PLXNA4: variants seen among roughly 807,000 people sequenced by gnomAD.
PLXNA4 encodes plexin-A4.
PLXNA4 carries 44 observed loss-of-function variants against 191.8 expected under a neutral mutation model. That is an observed-to-expected ratio of 0.23 (90% CI 0.18 to 0.29). PLXNA4 has a LOEUF of 0.29. Ranked by LOEUF, PLXNA4 falls within the 10% of genes least tolerant of loss-of-function variation. The pLI, the probability that PLXNA4 is intolerant of heterozygous loss-of-function variation, is 1.00. For missense variants in PLXNA4, 1,800 were observed against 2,488.8 expected, an observed-to-expected ratio of 0.72 and a Z score of 5.89; for synonymous variants, 1,082 against 1,009.5, an observed-to-expected ratio of 1.07 and a Z score of -1.36.
chr7:132,325,938 T>TA (rs1181693875), intron 3 of PLXNA4, among the ~76,000 whole-genome samples: 6 of 152,184 alleles, frequency 3.9e-5, no homozygotes, highest in Non-Finnish European at 8.8e-5. Flanking sequence ...TCCTACCCAC[T>TA]GTCCAGACCT....
chr7:132,607,511 G>A (rs757573724), intron 2 of PLXNA4, among the ~76,000 whole-genome samples: 5 of 152,326 alleles, frequency 3.3e-5, no homozygotes, highest in South Asian at 2.1e-4. Flanking sequence ...GTTCTGAAAC[G>A]TAATAACAAG....
At chr7:132,268,485 G>A (rs1488686280) in intron 4 of PLXNA4, among the ~76,000 whole-genome samples, 1 of 152,084 alleles carries the variant, frequency 6.6e-6, no homozygotes, top group African/African-American at 2.4e-5. Flanking sequence ...ATTTTGTTTG[G>A]ATCACTGGTC....
In PLXNA4 at chr7:132,489,147, G is replaced by C. The variant is rs554400022; in HGVS notation, c.1371+145C>G. 9.2e-5 allele frequency: 74 copies of C among 803,088 alleles called. No homozygotes were observed. In the African/African-American group the frequency reaches 1.1e-3, roughly 12 times the overall value. The allele number at this position is 803,088 out of a possible 1,614,324, so 49.7% of individuals were successfully genotyped here. On this transcript the variant is annotated intron_variant, in intron 3 of 31. Coordinates refer to ENST00000321063, the MANE Select transcript of PLXNA4 (RefSeq NM_020911.2). ...AGAGAAAGGACAAGATGATCATCAT[G>C]ACCTCAACAGCAGCGTATCTCCTTA...
chr7:132,228,338 A>C lies in PLXNA4; in HGVS notation c.1728+8T>G. ...CCTGGACCCCACCCCAACCCCCACG[A>C]CCCTTACCAGCACGTTGTACTGAGA... On this transcript the variant is annotated splice_region_variant and intron_variant, in intron 6 of 31. Transcript: ENST00000321063. 1 of 1,613,694 alleles carries C rather than the reference A, an allele frequency of 6.2e-7. No individual in the cohort carries two copies. The highest frequency in any genetic ancestry group is 1.3e-5 in the African/African-American group (1 of 74,878).
intron 2 of PLXNA4, among the ~76,000 whole-genome samples, chr7:132,500,173 C>A (rs1192744396): frequency 6.6e-6 from 1 of 152,148 alleles, no homozygotes; most frequent in African/African-American, 2.4e-5. Flanking sequence ...TCATTCATAA[C>A]CTGTGCTATA....
At chr7:132,615,962 T>TCTCTCTCTCTCTCTCC (rs1803147661) in intron 2 of PLXNA4, among the ~76,000 whole-genome samples, 1 of 149,774 alleles carries the variant, frequency 6.7e-6, no homozygotes, top group Non-Finnish European at 1.5e-5. Flanking sequence ...TCTCTCTCTC[T>TCTCTCTCTCTCTCTCC]CTATTCCCCA....
chr7:132,462,396 G>A (rs1028226104), intron 3 of PLXNA4, among the ~76,000 whole-genome samples: 26 of 152,076 alleles, frequency 1.7e-4, no homozygotes, highest in African/African-American at 6.3e-4. Context: ...ACAAAAAACA[G>A]AAAAACAAGG....
chr7:132,508,474 G>C lies in PLXNA4; in HGVS notation c.220C>G (p.Leu74Val). The C allele has an allele frequency of 6.2e-7, 1 of 1,614,206 alleles. No individual in the cohort carries two copies. The highest frequency in any genetic ancestry group is 8.5e-7 in the Non-Finnish European group (1 of 1,180,038). ...ACCAAGACCTTCAGGTCGCTGGAGA[G>C]CTTGTAAATCCGATTGACGGCCCCC... ...YLGAVNRIYK[L>V]SSDLKVLVTH... The change falls in exon 2 of 32, where the codon CTC (leucine) becomes GTC (valine). Residue 74 changes from leucine to valine, a missense_variant. Transcript: ENST00000321063. This position sits in a 1 kb window ranked among gnomAD's most constrained non-coding sequence, Gnocchi z 4.4.
At chr7:132,166,367 T>TTTTTTTTTTTTTTTTTG (rs1796122855) in intron 22 of PLXNA4, among the ~76,000 whole-genome samples, 1 of 132,930 alleles carries the variant, frequency 7.5e-6, no homozygotes, top group Admixed American at 7.5e-5. Context: ...TCTACTCTTT[T>TTTTTTTTTTTTTTTTTG]ACTTTGGAAG....
chr7:132,170,812 CGT>C (rs1440070754), intron 21 of PLXNA4, among the ~76,000 whole-genome samples: 1 of 152,246 alleles, frequency 6.6e-6, no homozygotes, highest in South Asian at 2.1e-4. Context: ...CTGTAGGAAA[CGT>C]GTGTGTTTCC....
chr7:132,546,065 T>G (rs1800293485), intron 1 of PLXNA4, among the ~76,000 whole-genome samples: 1 of 152,188 alleles, frequency 6.6e-6, no homozygotes, highest in African/African-American at 2.4e-5. Flanking sequence ...CTCAGAAGGG[T>G]GCATTTGACT....
chr7:132,498,534 C>G (rs1308342537), intron 2 of PLXNA4, among the ~76,000 whole-genome samples: 7 of 152,168 alleles, frequency 4.6e-5, no homozygotes, highest in African/African-American at 9.7e-5. Flanking sequence ...GATTCAATTA[C>G]CTCCCACCAG....
At chr7:132,511,624 G>T (rs1015204565) in intron 1 of PLXNA4, among the ~76,000 whole-genome samples, 5 of 152,178 alleles carry the variant, frequency 3.3e-5, no homozygotes, top group Admixed American at 2.6e-4. Flanking sequence ...CAGAGCCTCT[G>T]CCTAGCACAG....
intron 14 of PLXNA4, among the ~76,000 whole-genome samples, chr7:132,193,160 C>T (rs1244574398): frequency 1.3e-5 from 2 of 152,168 alleles, no homozygotes; most frequent in African/African-American, 2.4e-5. Flanking sequence ...TTTATAAGGG[C>T]TCTGCCCTCA....
intron 30 of PLXNA4, among the ~76,000 whole-genome samples, chr7:132,135,237 T>C (rs1331758883): frequency 6.6e-6 from 1 of 152,168 alleles, no homozygotes; most frequent in Non-Finnish European, 1.5e-5. Flanking sequence ...TTTGGTACCA[T>C]GGCCAGCAGC....
chr7:132,322,412 G>C (rs1802207262), intron 3 of PLXNA4, among the ~76,000 whole-genome samples: 1 of 152,046 alleles, frequency 6.6e-6, no homozygotes, highest in Admixed American at 6.6e-5. Flanking sequence ...TGAACTCCTG[G>C]CCTCAAGTGA....
chr7:132,456,959 T>C (rs1441262437), intron 3 of PLXNA4, among the ~76,000 whole-genome samples: 1 of 152,220 alleles, frequency 6.6e-6, no homozygotes, highest in Non-Finnish European at 1.5e-5. Context: ...TCTAAACTCA[T>C]TCTGCCAACA....
At chr7:132,357,968 G>A (rs1267596147) in intron 3 of PLXNA4, among the ~76,000 whole-genome samples, 1 of 152,316 alleles carries the variant, frequency 6.6e-6, no homozygotes, top group East Asian at 1.9e-4. Context: ...CCAGAAAGCA[G>A]GAGATTGTTA....
chr7:132,187,666 G>A (rs769701247), intron 14 of PLXNA4, 59 bp from the exon 15 acceptor site: 29 of 1,542,766 alleles, frequency 1.9e-5, no homozygotes, highest in Non-Finnish European at 2.3e-5. Context: ...AGGCTTCTGG[G>A]CAGGCGTGAG....
Sources: gnomAD v4.1 joint callset for allele counts (sites outside exome capture counted in the v4.1 genomes callset) on GRCh38, gnomAD v4.1.1 for gene constraint, Gnocchi (gnomAD v3.1) non-coding constraint, MANE v1.5 for transcripts, NCBI Gene and HGNC (gene_info 2026-07-23, HGNC 2026-07-21) for gene names.